NKAIN2: variants seen among roughly 807,000 people sequenced by gnomAD.
NKAIN2 encodes sodium/potassium transporting ATPase interacting 2.
Under a neutral mutation model 32.6 loss-of-function variants are expected in NKAIN2, and 14 were observed. The observed-to-expected ratio is 0.43, with a 90% CI of 0.28 to 0.67. NKAIN2 has a LOEUF of 0.67. NKAIN2 is among the 30% of genes least tolerant of loss of function. The pLI is 0.17. For missense variants in NKAIN2, 198 were observed against 258.3 expected, an observed-to-expected ratio of 0.77 and a Z score of 1.60; for synonymous variants, 80 against 87.2, an observed-to-expected ratio of 0.92 and a Z score of 0.46.
intron 3 of NKAIN2, among the ~76,000 whole-genome samples, chr6:124,564,297 C>T (rs1562259099): frequency 1.3e-5 from 2 of 152,148 alleles, no homozygotes; most frequent in South Asian, 4.1e-4. Flanking sequence ...ATTATAAATG[C>T]ACCAATCAGC....
At position 123,868,119 on chromosome 6, in the gene NKAIN2, T is replaced by C. The variant is rs1359758984; in HGVS notation, c.54+63865T>C. 7.9e-5 allele frequency among the ~76,000 whole-genome samples: 12 copies of C among 152,014 alleles called. No individual in the cohort carries two copies. In the East Asian group the frequency reaches 1.2e-3, roughly 15 times the overall value. On this transcript the variant is annotated intron_variant, in intron 1 of 6. Coordinates refer to ENST00000368417, the MANE Select transcript of NKAIN2 (RefSeq NM_001040214.3). The stretch of plus-strand genomic sequence containing the variant: ...TCCTGACCTTGTGATCTGCCCACCT[T>C]GGCCTCCCAAAGTGCTGGGATTACA...
intron 1 of NKAIN2, among the ~76,000 whole-genome samples, chr6:123,847,296 A>G (rs1269667501): frequency 6.6e-6 from 1 of 152,234 alleles, no homozygotes; most frequent in Non-Finnish European, 1.5e-5. Flanking sequence ...TTATAGCAGT[A>G]ATGGCTTCAT....
intron 1 of NKAIN2, among the ~76,000 whole-genome samples, chr6:124,192,125 T>G (rs1032659027): frequency 6.6e-6 from 1 of 152,150 alleles, no homozygotes; most frequent in Admixed American, 6.5e-5. Flanking sequence ...CATTTCTTTT[T>G]GCCTACTCAC....
intron 4 of NKAIN2, among the ~76,000 whole-genome samples, chr6:124,720,838 T>C (rs190299851): frequency 1.3e-4 from 20 of 152,280 alleles, no homozygotes; most frequent in African/African-American, 3.8e-4. Context: ...ATTTCTAAAC[T>C]CTGAAGAAGA....
chr6:124,711,397 A>G (rs1390912209), intron 4 of NKAIN2, among the ~76,000 whole-genome samples: 1 of 134,626 alleles, frequency 7.4e-6, no homozygotes, highest in African/African-American at 2.9e-5. Flanking sequence ...TCTCCTGGAT[A>G]ATATCCTGCA....
intron 3 of NKAIN2, among the ~76,000 whole-genome samples, chr6:124,618,337 G>A (rs1204996655): frequency 1.3e-5 from 2 of 152,172 alleles, no homozygotes; most frequent in Admixed American, 6.5e-5. Context: ...AATTAGCTGG[G>A]CATGGTGGTG....
chr6:124,763,015 C>G (rs1778343182), intron 4 of NKAIN2, among the ~76,000 whole-genome samples: 2 of 152,120 alleles, frequency 1.3e-5, no homozygotes, highest in Non-Finnish European at 2.9e-5. Context: ...ATGGGTAAAC[C>G]TGGAGAACAT....
chr6:124,296,525 A>G (rs952828890), intron 2 of NKAIN2, among the ~76,000 whole-genome samples: 6 of 152,150 alleles, frequency 3.9e-5, no homozygotes, highest in Non-Finnish European at 7.4e-5. Context: ...GAAACATGCA[A>G]TAATTTCATA....
At chr6:124,368,463 T>C (rs1210676881) in intron 3 of NKAIN2, among the ~76,000 whole-genome samples, 1 of 152,110 alleles carries the variant, frequency 6.6e-6, no homozygotes, top group Non-Finnish European at 1.5e-5. Context: ...CCCCAGTGGA[T>C]GTCAAGAACC....
intron 4 of NKAIN2, among the ~76,000 whole-genome samples, chr6:124,739,643 A>C (rs1777110386): frequency 6.6e-6 from 1 of 151,970 alleles, no homozygotes; most frequent in Non-Finnish European, 1.5e-5. Context: ...GGTTGAGTGC[A>C]TGAAAAGGAA....
At chr6:124,390,829 A>T (rs1204642657) in intron 3 of NKAIN2, 1 of 152,150 alleles carries the variant, frequency 6.6e-6, no homozygotes, top group Non-Finnish European at 1.5e-5. Flanking sequence ...TCTACAGAGT[A>T]AGGAAGGGAC....
At chr6:124,363,802 C>T (rs2114289781) in intron 3 of NKAIN2, among the ~76,000 whole-genome samples, 1 of 152,144 alleles carries the variant, frequency 6.6e-6, no homozygotes, top group South Asian at 2.1e-4. Flanking sequence ...ATAAAGACAC[C>T]ATTATATTAG....
Position 124,515,704 on chromosome 6 carries a change from T to G in NKAIN2, c.274-142482T>G, listed in dbSNP as rs1778882621. ...TAGCACTTCCCTACTTCATTTTTCT[T>G]CGCTTTCTCTCCGTCTCGCTCTGTC... On this transcript the variant is annotated intron_variant, in intron 3 of 6. Coordinates refer to ENST00000368417, the MANE Select transcript of NKAIN2 (RefSeq NM_001040214.3). Among the ~76,000 whole-genome samples, 5 of 3,366 alleles carry G rather than the reference T, an allele frequency of 1.5e-3. No homozygotes were observed. The Non-Finnish European group carries it at 0.047, about 32-fold the overall frequency. 2.2% of individuals were successfully genotyped at this position (3,366 alleles called of 152,430 possible). A position where few individuals can be genotyped will look rare whatever the true frequency, so the allele number is the denominator to read the frequency against.
chr6:124,587,527 C>CT (rs958824356), intron 3 of NKAIN2, among the ~76,000 whole-genome samples: 10 of 152,104 alleles, frequency 6.6e-5, no homozygotes, highest in South Asian at 2.1e-4. Context: ...CCAAACTCCT[C>CT]TTTTTTTTAC....
At chr6:124,486,373 A>C (rs565332469) in intron 3 of NKAIN2, among the ~76,000 whole-genome samples, 14 of 152,302 alleles carry the variant, frequency 9.2e-5, no homozygotes, top group African/African-American at 3.1e-4. Flanking sequence ...TTGTGAAAAA[A>C]ACCTCTTACT....
chr6:124,059,103 A>G (rs549556144), intron 1 of NKAIN2, among the ~76,000 whole-genome samples: 6 of 152,228 alleles, frequency 3.9e-5, no homozygotes, highest in Non-Finnish European at 8.8e-5. Flanking sequence ...GTAAAAAAAA[A>G]ACTGACAAAG....
intron 1 of NKAIN2, among the ~76,000 whole-genome samples, chr6:123,948,880 G>A (rs991314999): frequency 6.6e-6 from 1 of 151,582 alleles, no homozygotes; most frequent in Non-Finnish European, 1.5e-5. Flanking sequence ...TATTTTAGTA[G>A]TTGTATTGTT....
chr6:124,385,633 A>C (rs1199084985), intron 3 of NKAIN2, among the ~76,000 whole-genome samples: 1 of 152,108 alleles, frequency 6.6e-6, no homozygotes, highest in Admixed American at 6.6e-5. Context: ...TTCTTCCACT[A>C]TAATTCATTC....
At chr6:123,885,137 G>T (rs533062457) in intron 1 of NKAIN2, among the ~76,000 whole-genome samples, 3 of 152,202 alleles carry the variant, frequency 2.0e-5, no homozygotes, top group Admixed American at 6.5e-5. Flanking sequence ...ATTTAGCAAT[G>T]TATTAACATT....
Sources: allele counts gnomAD v4.1 joint callset (sites outside exome capture counted in the v4.1 genomes callset), GRCh38; gene constraint gnomAD v4.1.1; transcripts MANE v1.5; gene names NCBI Gene and HGNC (gene_info 2026-07-23, HGNC 2026-07-21).